SPAG1: variants seen among roughly 807,000 people sequenced by gnomAD.
SPAG1 encodes sperm-associated antigen 1.
Under a neutral mutation model 100.5 loss-of-function variants are expected in SPAG1, and 69 were observed. That is an observed-to-expected ratio of 0.69 (90% CI 0.57 to 0.84). The LOEUF is 0.84. Among genes scored for constraint, SPAG1 ranks in the 40% least tolerant of loss-of-function variants. SPAG1 has a pLI of 0.00. For synonymous variants in SPAG1, 336 were observed against 411.6 expected (o/e 0.82, Z 2.22); for missense variants, 955 against 1,133.1 (o/e 0.84, Z 2.26).
intron 15 of SPAG1, among the ~76,000 whole-genome samples, chr8:100,231,686 A>G (rs935126700): frequency 6.6e-6 from 1 of 152,208 alleles, no homozygotes; most frequent in Non-Finnish European, 1.5e-5. Flanking sequence ...TTGGCTGGGC[A>G]CGGTGGCTCA....
chr8:100,225,067 G>A lies in SPAG1; in HGVS notation c.1689-106G>A. The A allele has an allele frequency of 4.0e-6, 3 of 743,070 alleles. 1 individual carries two copies. In the South Asian group the frequency reaches 5.4e-5, roughly 13 times the overall value. The allele number at this position is 743,070 out of a possible 1,614,324, so 46.0% of individuals were successfully genotyped here. A position where few individuals can be genotyped will look rare whatever the true frequency, so the allele number is the denominator to read the frequency against. Reference sequence around the variant, plus strand: ...CTCAGGATTGCATGTTTTCTACAAGGAAGTACACATTTGCATAGCATTTGC... The same window carrying A: ...CTCAGGATTGCATGTTTTCTACAAGAAAGTACACATTTGCATAGCATTTGC... On this transcript the variant is annotated intron_variant, in intron 13 of 18. Transcript: ENST00000388798.
chr8:100,172,298 G>A (rs1489170539), intron 3 of SPAG1, among the ~76,000 whole-genome samples: 1 of 152,070 alleles, frequency 6.6e-6, no homozygotes, highest in Non-Finnish European at 1.5e-5. Flanking sequence ...TTTTCTCAGA[G>A]TTTCTTCAGT....
At chr8:100,204,060 A>G (rs1057444774) in intron 10 of SPAG1, among the ~76,000 whole-genome samples, 1 of 152,164 alleles carries the variant, frequency 6.6e-6, no homozygotes, top group Non-Finnish European at 1.5e-5. Flanking sequence ...CAGATTCCCC[A>G]TACCCAGTAG....
chr8:100,171,126 G>A (rs1038388215), intron 3 of SPAG1, among the ~76,000 whole-genome samples: 4 of 152,144 alleles, frequency 2.6e-5, no homozygotes. Context: ...TTTGTAGTCT[G>A]TTAATAAGGT....
At chr8:100,187,485 AAAG>A (rs769850805) in intron 8 of SPAG1, among the ~76,000 whole-genome samples, 1 of 152,242 alleles carries the variant, frequency 6.6e-6, no homozygotes, top group Admixed American at 6.5e-5. Context: ...TATATATTTT[AAAG>A]AAGTATCTCA....
intron 18 of SPAG1, 57 bp downstream of exon 18, chr8:100,240,828 T>G: frequency 6.4e-7 from 1 of 1,567,516 alleles, no homozygotes. Flanking sequence ...TTCTGTAACT[T>G]AAAAATGTTA....
intron 16 of SPAG1, among the ~76,000 whole-genome samples, chr8:100,234,272 G>A (rs1291523365): frequency 6.6e-6 from 1 of 152,042 alleles, no homozygotes; most frequent in African/African-American, 2.4e-5. Context: ...AATTGTGCAG[G>A]TCATTGACTT....
intron 10 of SPAG1, among the ~76,000 whole-genome samples, chr8:100,210,233 C>T (rs1349870850): frequency 6.7e-6 from 1 of 149,808 alleles, no homozygotes; most frequent in Non-Finnish European, 1.5e-5. Flanking sequence ...TGGATTTTGT[C>T]ATGCCTTTTC....
chr8:100,189,780 TA>T (rs1816739455), intron 8 of SPAG1, among the ~76,000 whole-genome samples: 1 of 152,180 alleles, frequency 6.6e-6, no homozygotes, highest in Non-Finnish European at 1.5e-5. Context: ...TAAAAAGTTT[TA>T]AAAAAGGATA....
intron 3 of SPAG1, 113 bp downstream of exon 3, chr8:100,166,086 A>AATTAGGCAGGATTGGTTGCTT (rs1815538597): frequency 1.1e-6 from 1 of 920,770 alleles, no homozygotes; most frequent in Non-Finnish European, 1.6e-6. Context: ...TTTTAGTGTC[A>AATTAGGCAGGATTGGTTGCTT]ATTAGGCAGG....
At chr8:100,214,060 A>C (rs1563801508) in intron 12 of SPAG1, 142 bp downstream of exon 12, 1 of 544,116 alleles carries the variant, frequency 1.8e-6, no homozygotes, top group Admixed American at 3.2e-5. Flanking sequence ...ATGCATAAAA[A>C]TCATAAATTA....
chr8:100,239,912 A>G lies in SPAG1; in HGVS notation c.2281-491A>G, dbSNP rs1819178850. ...AAAATGTTTTTCTCTGCCTAATATT[A>G]GGGAAGAATGTTAGGCTGTGAATCC... On this transcript the variant is annotated intron_variant, in intron 17 of 18. Coordinates refer to ENST00000388798, the MANE Select transcript of SPAG1 (RefSeq NM_003114.5). The surrounding 1 kb of genome is among the most constrained non-coding windows in gnomAD (Gnocchi z 5.0). Among the ~76,000 whole-genome samples, 1 of 152,198 alleles carries G rather than the reference A, an allele frequency of 6.6e-6. No homozygotes were observed. Among genetic ancestry groups the G allele is most frequent in the African/African-American group, 2.4e-5 (1 of 41,438 alleles).
chr8:100,160,837 T>C (rs1320237859), intron 1 of SPAG1, among the ~76,000 whole-genome samples: 1 of 152,128 alleles, frequency 6.6e-6, no homozygotes. Flanking sequence ...AAAATTAACA[T>C]TAAAAAATCT....
intron 12 of SPAG1, among the ~76,000 whole-genome samples, chr8:100,220,069 G>C (rs2132385899): frequency 6.6e-6 from 1 of 152,326 alleles, no homozygotes; most frequent in South Asian, 2.1e-4. Flanking sequence ...TAAATGCAGA[G>C]TGCTTTGCTA....
chr8:100,203,944 A>G (rs181906460), intron 10 of SPAG1, among the ~76,000 whole-genome samples: 16 of 152,342 alleles, frequency 1.1e-4, no homozygotes, highest in Middle Eastern at 3.4e-3. Context: ...TGATTAGAAA[A>G]GAATGGGACC....
intron 14 of SPAG1, among the ~76,000 whole-genome samples, chr8:100,230,121 T>G (rs1198323695): frequency 6.6e-6 from 1 of 152,204 alleles, no homozygotes; most frequent in Non-Finnish European, 1.5e-5. Context: ...TGCTGATTAA[T>G]AAAATGATTA....
At chr8:100,232,185 C>T (rs1298744378) in intron 15 of SPAG1, among the ~76,000 whole-genome samples, 1 of 152,110 alleles carries the variant, frequency 6.6e-6, no homozygotes. Context: ...TTCTGTTCAG[C>T]CTCTGTAGGA....
chr8:100,236,111 T>C (rs1053111568), intron 16 of SPAG1, among the ~76,000 whole-genome samples: 7 of 152,162 alleles, frequency 4.6e-5, no homozygotes, highest in Admixed American at 1.3e-4. Flanking sequence ...GGACTTTAGT[T>C]TGTGTGGGTA....
intron 10 of SPAG1, among the ~76,000 whole-genome samples, chr8:100,200,665 T>A (rs538342176): frequency 6.6e-6 from 1 of 152,352 alleles, no homozygotes; most frequent in South Asian, 2.1e-4. Context: ...GGTATCTCAT[T>A]GTGGTTTTGA....
Sources: allele counts gnomAD v4.1 joint callset (sites outside exome capture counted in the v4.1 genomes callset), GRCh38; gene constraint gnomAD v4.1.1; non-coding constraint Gnocchi (gnomAD v3.1); transcripts MANE v1.5; gene names NCBI Gene and HGNC (gene_info 2026-07-23, HGNC 2026-07-21).